Variants in PCGF5 observed in about 807,000 individuals in gnomAD.
PCGF5 encodes polycomb group RING finger protein 5.
In PCGF5, 9 loss-of-function variants were observed where a neutral mutation model predicts 44.3. The ratio of observed to expected loss-of-function variants is 0.20; its 90% CI spans 0.12 to 0.35. The LOEUF (loss-of-function observed/expected upper bound fraction) is 0.35. Ranked by LOEUF, PCGF5 falls within the 10% of genes least tolerant of loss-of-function variation. The pLI is 1.00. For synonymous variants in PCGF5, 95 were observed against 102.5 expected (o/e 0.93, Z 0.44); for missense variants, 146 against 305.3 (o/e 0.48, Z 3.89).
chr10:91,272,313 C>A lies in PCGF5; in HGVS notation c.723+616C>A, dbSNP rs569301721. Among the ~76,000 whole-genome samples the A allele has an allele frequency of 3.9e-5, 6 of 152,206 alleles. No individual in the cohort carries two copies. The East Asian group carries it at 1.2e-3, about 29-fold the overall frequency. The stretch of plus-strand genomic sequence containing the variant: ...GGGTACAGATGTGATTGATGATCAG[C>A]CTTAACCCTGTGAATTAATCATACC... On this transcript the variant is annotated intron_variant, in intron 9 of 9. Transcript: ENST00000336126.
chr10:91,232,300 T>C (rs1485164819), intron 2 of PCGF5, among the ~76,000 whole-genome samples: 4 of 152,136 alleles, frequency 2.6e-5, no homozygotes, highest in Non-Finnish European at 5.9e-5. Context: ...CAGTTGGAAA[T>C]TTTTTTATTT....
intron 1 of PCGF5, 40 bp from the exon 2 acceptor site, chr10:91,222,649 G>A (rs1359466421): frequency 1.9e-6 from 1 of 514,610 alleles, no homozygotes; most frequent in African/African-American, 1.9e-5. Context: ...GGAATTTGAC[G>A]CTTTTTTCTC....
intron 1 of PCGF5, among the ~76,000 whole-genome samples, chr10:91,211,225 CT>C (rs1372306030): frequency 6.6e-6 from 1 of 152,334 alleles, no homozygotes; most frequent in South Asian, 2.1e-4. Context: ...GTATACAATA[CT>C]GACTTGGCTA....
chr10:91,271,182 A>G (rs781348847), intron 8 of PCGF5, among the ~76,000 whole-genome samples: 3 of 151,998 alleles, frequency 2.0e-5, no homozygotes, highest in Admixed American at 6.6e-5. Context: ...CAGAAAATAG[A>G]TGCCTTACAG....
At chr10:91,230,492 T>C (rs1844973206) in intron 2 of PCGF5, among the ~76,000 whole-genome samples, 1 of 152,204 alleles carries the variant, frequency 6.6e-6, no homozygotes, top group Non-Finnish European at 1.5e-5. Context: ...CGCAAAGCTA[T>C]ATTTTCTCAG....
At chr10:91,221,016 C>T (rs73310474) in intron 1 of PCGF5, among the ~76,000 whole-genome samples, 180 bp downstream of exon 1, 12,916 of 151,822 alleles carry the variant, frequency 0.085, 1,001 homozygotes, top group East Asian at 0.37. Flanking sequence ...GTGCCTACCT[C>T]GGCGGGGAGA....
intron 2 of PCGF5, among the ~76,000 whole-genome samples, chr10:91,233,761 C>G (rs1845075393): frequency 6.6e-6 from 1 of 151,784 alleles, no homozygotes; most frequent in African/African-American, 2.4e-5. Context: ...GTTTTCAAGA[C>G]AAAAATGTAT....
At chr10:91,277,408 A>G (rs1846344099) in intron 9 of PCGF5, among the ~76,000 whole-genome samples, 1 of 152,226 alleles carries the variant, frequency 6.6e-6, no homozygotes, top group South Asian at 2.1e-4. Flanking sequence ...TTTCATTTTA[A>G]GAGAGAGTAT....
At chr10:91,225,669 CTTGCAAGG>C (rs983657147) in intron 2 of PCGF5, among the ~76,000 whole-genome samples, 2 of 151,886 alleles carry the variant, frequency 1.3e-5, no homozygotes, top group Non-Finnish European at 2.9e-5. Context: ...AACTATCCCA[CTTGCAAGG>C]TATTCCCTTG....
At chr10:91,231,027 G>T (rs998057646) in intron 2 of PCGF5, among the ~76,000 whole-genome samples, 12 of 152,116 alleles carry the variant, frequency 7.9e-5, no homozygotes, top group African/African-American at 2.9e-4. Flanking sequence ...TGGAATTACA[G>T]GCATGAGCCA....
At chr10:91,235,334 A>G (rs971230828) in intron 2 of PCGF5, among the ~76,000 whole-genome samples, 2 of 152,202 alleles carry the variant, frequency 1.3e-5, no homozygotes, top group African/African-American at 4.8e-5. Context: ...TTTGTCCAAC[A>G]ACCTGGTTCA....
intron 5 of PCGF5, 99 bp from the exon 6 acceptor site, chr10:91,251,193 T>G (rs1845615451): frequency 1.0e-6 from 1 of 985,344 alleles, no homozygotes. Context: ...TTAGGAAATT[T>G]TTTAAAGTTG....
At chr10:91,227,911 T>A in intron 2 of PCGF5, 1 of 982,072 alleles carries the variant, frequency 1.0e-6, no homozygotes, top group Non-Finnish European at 1.2e-6. Flanking sequence ...AGATTTGGGT[T>A]AAGTGTCTCA....
chr10:91,173,594 T>C (rs949055051), intron 1 of PCGF5, among the ~76,000 whole-genome samples: 7 of 150,378 alleles, frequency 4.7e-5, no homozygotes, highest in Admixed American at 2.6e-4. Context: ...TTTTTTTTTT[T>C]TCCCACAGAA....
intron 8 of PCGF5, among the ~76,000 whole-genome samples, chr10:91,270,537 G>A (rs889125195): frequency 3.3e-5 from 5 of 152,138 alleles, no homozygotes; most frequent in Non-Finnish European, 7.3e-5. Context: ...GCCGAGCTGA[G>A]CCCGCCTTAC....
intron 8 of PCGF5, among the ~76,000 whole-genome samples, chr10:91,266,830 A>C (rs1243605190): frequency 6.6e-6 from 1 of 152,090 alleles, no homozygotes; most frequent in Non-Finnish European, 1.5e-5. Context: ...CAAAATATAC[A>C]TTCAGAATCC....
At chr10:91,206,108 C>A (rs529023676) in intron 1 of PCGF5, among the ~76,000 whole-genome samples, 32 of 152,282 alleles carry the variant, frequency 2.1e-4, no homozygotes, top group African/African-American at 6.7e-4. Context: ...GCTTTTTAAT[C>A]TTTTATTTAT....
the PCGF5 span, among the ~76,000 whole-genome samples, chr10:91,157,985 G>T: frequency 6.6e-6 from 1 of 152,226 alleles, no homozygotes; most frequent in Non-Finnish European, 1.5e-5. Context: ...TGGATCATTA[G>T]TCTGGCCTTG....
chr10:91,175,226 A>G (rs1461820664), intron 1 of PCGF5, among the ~76,000 whole-genome samples: 2 of 152,210 alleles, frequency 1.3e-5, no homozygotes, highest in African/African-American at 2.4e-5. Flanking sequence ...AATAAATTAA[A>G]GTAAAATAGA....
Sources: allele counts gnomAD v4.1 joint callset (sites outside exome capture counted in the v4.1 genomes callset), GRCh38; gene constraint gnomAD v4.1.1; transcripts MANE v1.5; gene names NCBI Gene and HGNC (gene_info 2026-07-23, HGNC 2026-07-21).